TCF7L2: variants seen among roughly 807,000 people sequenced by gnomAD.
TCF7L2 encodes transcription factor 7 like 2, also known as transcription factor 7-like 2.
TCF7L2 carries 23 observed loss-of-function variants against 77.9 expected under a neutral mutation model. That is an observed-to-expected ratio of 0.30 (90% CI 0.21 to 0.42). TCF7L2 has a LOEUF of 0.42. Ranked by LOEUF, TCF7L2 falls within the 10% of genes least tolerant of loss-of-function variation. The pLI is 1.00. For synonymous variants in TCF7L2, 413 were observed against 340.2 expected (o/e 1.21, Z -2.36); for missense variants, 654 against 793.1 (o/e 0.82, Z 2.11).
At chr10:113,089,468 C>T (rs1227940809) in intron 5 of TCF7L2, 5 of 1,613,700 alleles carry the variant, frequency 3.1e-6, no homozygotes, top group Non-Finnish European at 4.2e-6. Flanking sequence ...ACTTCACTGT[C>T]AGCACTCAAG....
intron 4 of TCF7L2, among the ~76,000 whole-genome samples, chr10:113,034,902 A>G (rs2050884285): frequency 6.6e-6 from 1 of 152,114 alleles, no homozygotes; most frequent in Admixed American, 6.5e-5. Flanking sequence ...TCTCAAAAAT[A>G]CCATAATTCG....
rs137859100 is a variant in TCF7L2 at position 113,076,445 on chromosome 10, TTTG to T, written c.552+36331_552+36333del. Reference sequence around the variant, plus strand: ...GAAACACCACACCTGAACTAGTCTTTTTGTTGTTGTTGTTAAAGTGAGAGACCC... The same window carrying T: ...GAAACACCACACCTGAACTAGTCTTTTTGTTGTTGTTAAAGTGAGAGACCC... On this transcript the variant is annotated intron_variant, in intron 5 of 13. Transcript: ENST00000627217. Among the ~76,000 whole-genome samples the T allele has an allele frequency of 4.7e-3, 718 of 152,256 alleles. 4 individuals are homozygous for T. The highest frequency in any genetic ancestry group is 0.016 in the African/African-American group (666 of 41,540).
At position 113,141,088 on chromosome 10, in the gene TCF7L2, A is replaced by G. The variant is rs1432438685; in HGVS notation, c.553-96A>G. 2.0e-6 allele frequency: 3 copies of G among 1,498,314 alleles called. 1 individual carries two copies. Among genetic ancestry groups the G allele is most frequent in the South Asian group, 2.5e-5 (2 of 80,024 alleles). The allele number at this position is 1,498,314 out of a possible 1,614,324, so 92.8% of individuals were successfully genotyped here. ...GTGCATCTTAGAAAATCCAGGTGAGAGGCTGTGGCCAAGGGAACCCACGGG... is the reference window on the plus strand; with the variant it reads ...GTGCATCTTAGAAAATCCAGGTGAGGGGCTGTGGCCAAGGGAACCCACGGG... On this transcript the variant is annotated intron_variant, in intron 5 of 13. Transcript: ENST00000627217.
chr10:113,085,181 C>G (rs111390869), intron 5 of TCF7L2, among the ~76,000 whole-genome samples: 12 of 151,760 alleles, frequency 7.9e-5, no homozygotes, highest in African/African-American at 2.2e-4. Context: ...AACCTTTCAC[C>G]TTGGCCTTCT....
At chr10:113,067,232 C>T (rs1017749394) in intron 5 of TCF7L2, among the ~76,000 whole-genome samples, 1 of 152,158 alleles carries the variant, frequency 6.6e-6, no homozygotes, top group African/African-American at 2.4e-5. Context: ...CTAAGAGCAA[C>T]CCGTAGGAGG....
At chr10:113,055,071 A>G (rs1040675823) in intron 5 of TCF7L2, among the ~76,000 whole-genome samples, 3 of 152,196 alleles carry the variant, frequency 2.0e-5, no homozygotes, top group African/African-American at 7.2e-5. Flanking sequence ...TGTAATAACC[A>G]TCCTTTGGGC....
Position 113,027,876 on chromosome 10 carries a change from C to T in TCF7L2, c.451-12149C>T, listed in dbSNP as rs1221712575. Among the ~76,000 whole-genome samples, 3 of 152,122 alleles carry T rather than the reference C, an allele frequency of 2.0e-5. No individual in the cohort carries two copies. The East Asian group carries it at 5.8e-4, about 29-fold the overall frequency. On this transcript the variant is annotated intron_variant, in intron 4 of 13. Transcript: ENST00000627217. ...TCTGGGATGGTCTGTTCTTGCCACCCGTCCCATGGAACGTGAAGAAGGAAT... is the reference window on the plus strand; with the variant it reads ...TCTGGGATGGTCTGTTCTTGCCACCTGTCCCATGGAACGTGAAGAAGGAAT...
Position 113,165,542 on chromosome 10 carries a change from C to A in TCF7L2, c.1392-13C>A, listed in dbSNP as rs964223474. 2.5e-6 allele frequency: 4 copies of A among 1,613,308 alleles called. No homozygotes were observed. The highest frequency in any genetic ancestry group is 3.4e-6 in the Non-Finnish European group (4 of 1,179,734). On this transcript the variant is annotated splice_polypyrimidine_tract_variant and intron_variant, in intron 13 of 13. Transcript: ENST00000627217. Reference sequence around the variant, plus strand: ...GCCCTCTATTCACAGATAACTCTCTCCCCTGTTTCTAGGAGAAAAAAAAAG... The same window carrying A: ...GCCCTCTATTCACAGATAACTCTCTACCCTGTTTCTAGGAGAAAAAAAAAG...
At chr10:113,053,933 TCTCACATC>T (rs2054899426) in intron 5 of TCF7L2, among the ~76,000 whole-genome samples, 1 of 151,870 alleles carries the variant, frequency 6.6e-6, no homozygotes, top group Non-Finnish European at 1.5e-5. Context: ...ACCCAAGGAG[TCTCACATC>T]GGAGCCAGGA....
At chr10:113,115,710 A>C (rs1490291286) in intron 5 of TCF7L2, among the ~76,000 whole-genome samples, 1 of 152,166 alleles carries the variant, frequency 6.6e-6, no homozygotes, top group African/African-American at 2.4e-5. Context: ...GATCAAGAGC[A>C]CTGGATCTGT....
intron 4 of TCF7L2, among the ~76,000 whole-genome samples, chr10:112,971,722 C>T (rs1395328464): frequency 6.6e-6 from 1 of 151,874 alleles, no homozygotes; most frequent in Non-Finnish European, 1.5e-5. Context: ...AAGCAATTCT[C>T]CCGCCTCAGC....
chr10:113,009,952 G>A (rs1471480526), intron 4 of TCF7L2, among the ~76,000 whole-genome samples: 1 of 151,992 alleles, frequency 6.6e-6, no homozygotes, highest in Non-Finnish European at 1.5e-5. Flanking sequence ...CTTTCACTTG[G>A]GGGTCTTAAG....
intron 5 of TCF7L2, among the ~76,000 whole-genome samples, chr10:113,107,877 G>A (rs543532620): frequency 6.6e-6 from 1 of 151,856 alleles, no homozygotes; most frequent in South Asian, 2.1e-4. Context: ...TTGGTCAAGC[G>A]TTGCTGGCAG....
chr10:113,137,671 AAGG>A (rs2067628485), intron 5 of TCF7L2, among the ~76,000 whole-genome samples: 1 of 152,228 alleles, frequency 6.6e-6, no homozygotes, highest in African/African-American at 2.4e-5. Context: ...CTGTGATTCT[AAGG>A]AGACTACATT....
rs2073037740 is a variant in TCF7L2, at chr10:113,160,764, A to C, written c.1391+73A>C. The C allele has an allele frequency of 2.9e-6, 4 of 1,399,226 alleles. No individual in the cohort carries two copies. In the African/African-American group the frequency reaches 5.8e-5, roughly 20 times the overall value. 86.7% of individuals were successfully genotyped at this position (1,399,226 alleles called of 1,614,324 possible). On this transcript the variant is annotated intron_variant, in intron 13 of 13. Coordinates refer to ENST00000627217, the MANE Select transcript of TCF7L2 (RefSeq NM_001146274.2). Reference sequence around the variant, plus strand: ...TTCCGGTACCTTAGCGTGATAATTTATTTTGACCTCGTTCCCCATCTACTT... The same window carrying C: ...TTCCGGTACCTTAGCGTGATAATTTCTTTTGACCTCGTTCCCCATCTACTT...
chr10:112,984,469 G>A (rs1448379004), intron 4 of TCF7L2, among the ~76,000 whole-genome samples: 1 of 151,988 alleles, frequency 6.6e-6, no homozygotes, highest in East Asian at 1.9e-4. Flanking sequence ...TCTTTAATTG[G>A]TTAGTTCCTC....
chr10:113,088,428 T>C (rs148501381), intron 5 of TCF7L2, among the ~76,000 whole-genome samples: 1 of 152,034 alleles, frequency 6.6e-6, no homozygotes, highest in Non-Finnish European at 1.5e-5. Context: ...CCTCATAAGG[T>C]AGGGGTGAGG....
intron 4 of TCF7L2, among the ~76,000 whole-genome samples, chr10:113,003,028 AAATT>A (rs2044772185): frequency 6.6e-6 from 1 of 152,260 alleles, no homozygotes; most frequent in African/African-American, 2.4e-5. Flanking sequence ...GTATAGAAAT[AAATT>A]AATTTTTGGA....
chr10:112,950,792 A>C lies in TCF7L2; in HGVS notation c.36A>C (p.Leu12=), dbSNP rs1354128144. The C allele has an allele frequency of 6.3e-7, 1 of 1,587,716 alleles. No individual in the cohort carries two copies. Among genetic ancestry groups the C allele is most frequent in the Non-Finnish European group, 8.6e-7 (1 of 1,165,402 alleles). Residue 12 remains leucine (L), a synonymous_variant, in exon 1 of 14, where the codon CTA becomes CTC. Coordinates refer to ENST00000627217, the MANE Select transcript of TCF7L2 (RefSeq NM_001146274.2). ...TGAACGGCGGTGGAGGGGATGACCT[A>C]GGCGCCAACGACGAACTGATTTCCT...
Sources: gnomAD v4.1 joint callset for allele counts (sites outside exome capture counted in the v4.1 genomes callset) on GRCh38, gnomAD v4.1.1 for gene constraint, MANE v1.5 for transcripts, NCBI Gene and HGNC (gene_info 2026-07-23, HGNC 2026-07-21) for gene names.